The following SH3BP4 variants were observed in gnomAD, a reference collection of about 807,000 sequenced individuals.
SH3BP4 encodes SH3 domain binding protein 4.
In SH3BP4, 33 loss-of-function variants were observed where a neutral mutation model predicts 65.5. The observed-to-expected ratio is 0.50, with a 90% CI of 0.38 to 0.67. The LOEUF (loss-of-function observed/expected upper bound fraction) is 0.67, where lower values mean the gene tolerates loss of function less well. SH3BP4 is among the 30% of genes least tolerant of loss of function. SH3BP4 has a pLI of 0.00. For missense variants in SH3BP4, 1,134 were observed against 1,261.4 expected (o/e 0.90, Z 1.53); for synonymous variants, 552 against 545.5 (o/e 1.01, Z -0.17).
chr2:234,998,669 G>T (rs148426097), intron 2 of SH3BP4, among the ~76,000 whole-genome samples: 1 of 152,178 alleles, frequency 6.6e-6, no homozygotes, highest in South Asian at 2.1e-4. Context: ...TCAAAACTTC[G>T]TCATCACCCT....
chr2:234,990,475 T>C (rs1254987462), intron 1 of SH3BP4, among the ~76,000 whole-genome samples: 1 of 152,264 alleles, frequency 6.6e-6, no homozygotes, highest in South Asian at 2.1e-4. Flanking sequence ...GGTTGGACTT[T>C]TGGGCCCATA....
At chr2:234,996,701 G>T in intron 2 of SH3BP4, among the ~76,000 whole-genome samples, 1 of 152,212 alleles carries the variant, frequency 6.6e-6, no homozygotes. Flanking sequence ...AGAAAGCGGG[G>T]GTTTCTAAAA....
At chr2:234,956,946 G>C (rs1285771236) in intron 1 of SH3BP4, among the ~76,000 whole-genome samples, 1 of 152,142 alleles carries the variant, frequency 6.6e-6, no homozygotes, top group East Asian at 1.9e-4. Flanking sequence ...CGGTAAACCT[G>C]CTCTCTGAGG....
chr2:234,994,293 G>T (rs1270499419), intron 1 of SH3BP4, among the ~76,000 whole-genome samples: 1 of 152,142 alleles, frequency 6.6e-6, no homozygotes, highest in East Asian at 1.9e-4. Context: ...TGATTGTGAC[G>T]CTCCTTTTAA....
At chr2:235,051,316 G>T (rs1237639987) in intron 4 of SH3BP4, among the ~76,000 whole-genome samples, 2 of 152,022 alleles carry the variant, frequency 1.3e-5, no homozygotes, top group Middle Eastern at 3.4e-3. Context: ...TAGCCAATTT[G>T]ATTTGTTTCT....
intron 1 of SH3BP4, among the ~76,000 whole-genome samples, chr2:234,969,613 G>A (rs535887856): frequency 1.3e-5 from 2 of 152,340 alleles, no homozygotes; most frequent in African/African-American, 4.8e-5. Context: ...GGGCTTCGTG[G>A]TTGTACAGAA....
chr2:234,999,393 T>A (rs574005898), intron 2 of SH3BP4, among the ~76,000 whole-genome samples: 1 of 152,344 alleles, frequency 6.6e-6, no homozygotes, highest in South Asian at 2.1e-4. Context: ...CTGCTCCCAT[T>A]TTGAAGAAGC....
At position 234,974,296 on chromosome 2, in the gene SH3BP4, C is replaced by G. The variant is rs1574782396; in HGVS notation, c.-206-21007C>G. 6.6e-6 allele frequency among the ~76,000 whole-genome samples: 1 copy of G among 152,042 alleles called. No homozygotes were observed. Among genetic ancestry groups the G allele is most frequent in the East Asian group, 1.9e-4 (1 of 5,162 alleles). On this transcript the variant is annotated intron_variant, in intron 1 of 5. Transcript: ENST00000392011. The surrounding 1 kb of genome is among the most constrained non-coding windows in gnomAD (Gnocchi z 4.6). ...AGGAGAATCACTTGAACCCGGGAGG[C>G]TGGGGTTGCAGTGAGCCAAGATCGC... is the stretch of plus-strand genomic sequence containing the variant.
chr2:235,033,350 TCTGATCATGAGGAC>T lies in SH3BP4; in HGVS notation c.-132-1519_-132-1506del, dbSNP rs951058520. On this transcript the variant is annotated intron_variant, in intron 2 of 5. Transcript: ENST00000392011. This position sits in a 1 kb window ranked among gnomAD's most constrained non-coding sequence, Gnocchi z 5.7. ...CTGGTGTCTCAAATAAAGGCGCTGA[TCTGATCATGAGGAC>T]CCCACCTTCATGATCTCTTCTAACT... Among the ~76,000 whole-genome samples the T allele has an allele frequency of 1.3e-5, 2 of 152,228 alleles. No homozygotes were observed. Among genetic ancestry groups the T allele is most frequent in the African/African-American group, 4.8e-5 (2 of 41,466 alleles).
chr2:235,038,289 A>AAC (rs1695470315), intron 3 of SH3BP4, among the ~76,000 whole-genome samples: 1 of 22,902 alleles, frequency 4.4e-5, no homozygotes. Context: ...TATTATATAT[A>AAC]ATATATATAT....
rs538012901 is a variant in SH3BP4 at position 235,041,006 on chromosome 2, C to G, written c.237C>G (p.Gly79=). Reference sequence around the variant, plus strand: ...TCACCACACTGAAGTTCTCCAAGGGCGACCATCTCTACGTCTTGGACACAT... The same window carrying G: ...TCACCACACTGAAGTTCTCCAAGGGGGACCATCTCTACGTCTTGGACACAT... ...TNFTTLKFSK[G]DHLYVLDTSG... is the part of the protein sequence containing the mutation. Residue 79 remains glycine, a synonymous_variant, in exon 4 of 6, where the codon GGC becomes GGG. Coordinates refer to ENST00000392011, the MANE Select transcript of SH3BP4 (RefSeq NM_014521.3). This position sits in a 1 kb window ranked among gnomAD's most constrained non-coding sequence, Gnocchi z 6.0. The G allele has an allele frequency of 6.2e-7, 1 of 1,614,028 alleles. No individual in the cohort carries two copies. Among genetic ancestry groups the G allele is most frequent in the African/African-American group, 1.3e-5 (1 of 74,918 alleles).
chr2:235,028,767 C>A (rs1420846440), intron 2 of SH3BP4, among the ~76,000 whole-genome samples: 1 of 152,090 alleles, frequency 6.6e-6, no homozygotes, highest in African/African-American at 2.4e-5. Flanking sequence ...GAGCAAAGAC[C>A]TGAATGAAGT....
At chr2:235,019,177 G>A (rs1156434894) in intron 2 of SH3BP4, among the ~76,000 whole-genome samples, 1 of 152,180 alleles carries the variant, frequency 6.6e-6, no homozygotes, top group African/African-American at 2.4e-5. Flanking sequence ...TTTGCAGGGT[G>A]CCCTAAGGAG....
chr2:234,992,254 C>T (rs1394683326), intron 1 of SH3BP4, among the ~76,000 whole-genome samples: 1 of 152,192 alleles, frequency 6.6e-6, no homozygotes, highest in Non-Finnish European at 1.5e-5. Flanking sequence ...GGGGCAGGAG[C>T]TGGGCAGCCT....
rs186154471 is a variant in SH3BP4 at position 235,052,267 on chromosome 2, C to T, written c.2479-295C>T. Among the ~76,000 whole-genome samples, 165 of 152,248 alleles carry T rather than the reference C, an allele frequency of 1.1e-3. 1 individual carries two copies. The highest frequency in any genetic ancestry group is 3.7e-3 in the Admixed American group (57 of 15,294). ...GACTTCCTCTAATCCAGAGGGACCT[C>T]ATCTTAATTCTATCTGCAAAGACCC... On this transcript the variant is annotated intron_variant, in intron 4 of 5. Transcript: ENST00000392011. This position sits in a 1 kb window ranked among gnomAD's most constrained non-coding sequence, Gnocchi z 5.0.
At position 235,035,445 on chromosome 2, in the gene SH3BP4, G is replaced by T. The variant is rs1034756663; in HGVS notation, c.118+325G>T. Reference sequence around the variant, plus strand: ...GAGTGTGGCAAGTAGATGAAATATTGAGAACCACTAGAGAAGAAAAAAGGT... The same window carrying T: ...GAGTGTGGCAAGTAGATGAAATATTTAGAACCACTAGAGAAGAAAAAAGGT... On this transcript the variant is annotated intron_variant, in intron 3 of 5. Coordinates refer to ENST00000392011, the MANE Select transcript of SH3BP4 (RefSeq NM_014521.3). The surrounding 1 kb of genome is among the most constrained non-coding windows in gnomAD (Gnocchi z 5.0). 1.1e-4 allele frequency among the ~76,000 whole-genome samples: 16 copies of T among 152,168 alleles called. No individual in the cohort carries two copies. The highest frequency in any genetic ancestry group is 3.9e-4 in the African/African-American group (16 of 41,422).
intron 2 of SH3BP4, among the ~76,000 whole-genome samples, chr2:235,011,578 A>G (rs1694506694): frequency 6.6e-6 from 1 of 152,244 alleles, no homozygotes. Context: ...CGTAGTCTCT[A>G]TGATAGCTCT....
At chr2:234,985,337 A>G (rs1372356068) in intron 1 of SH3BP4, among the ~76,000 whole-genome samples, 1 of 152,184 alleles carries the variant, frequency 6.6e-6, no homozygotes, top group East Asian at 1.9e-4. Context: ...ACAGACAGTC[A>G]TTGTGGCGGA....
intron 1 of SH3BP4, among the ~76,000 whole-genome samples, chr2:234,988,349 A>G (rs138042120): frequency 0.069 from 10,449 of 152,054 alleles, 897 homozygotes; most frequent in African/African-American, 0.21. Flanking sequence ...GTGAGCCACC[A>G]CACCCGGCCC....
Sources: gnomAD v4.1 joint callset for allele counts (sites outside exome capture counted in the v4.1 genomes callset) on GRCh38, gnomAD v4.1.1 for gene constraint, Gnocchi (gnomAD v3.1) non-coding constraint, MANE v1.5 for transcripts, NCBI Gene and HGNC (gene_info 2026-07-23, HGNC 2026-07-21) for gene names.